The following ADAM22 variants were observed in gnomAD, a reference collection of about 807,000 sequenced individuals.
ADAM22 encodes ADAM metallopeptidase domain 22.
Under a neutral mutation model 144.6 loss-of-function variants are expected in ADAM22, and 65 were observed. The ratio of observed to expected loss-of-function variants is 0.45; its 90% CI spans 0.37 to 0.55. ADAM22 has a LOEUF of 0.55. ADAM22 is among the 20% of genes least tolerant of loss of function. The pLI is 0.00. For synonymous variants in ADAM22, 391 were observed against 412.6 expected (o/e 0.95, Z 0.63); for missense variants, 974 against 1,184.9 (o/e 0.82, Z 2.61).
intron 4 of ADAM22, 144 bp from the exon 5 acceptor site, chr7:88,108,032 G>T (rs1381901239): frequency 3.3e-6 from 2 of 606,548 alleles, no homozygotes; most frequent in East Asian, 2.9e-5. Context: ...TGTTAGAAAA[G>T]ATTTGATAAT....
intron 3 of ADAM22, among the ~76,000 whole-genome samples, chr7:88,065,041 G>A (rs1286802226): frequency 1.3e-5 from 2 of 152,160 alleles, no homozygotes; most frequent in African/African-American, 4.8e-5. Flanking sequence ...TAATTAAGAT[G>A]TTTAATACTT....
At position 87,978,301 on chromosome 7, in the gene ADAM22, G is replaced by A. The variant is rs779388171; in HGVS notation, c.247-35G>A. The A allele has an allele frequency of 7.8e-6, 12 of 1,540,952 alleles. No individual in the cohort carries two copies. In the South Asian group the frequency reaches 1.3e-4, roughly 16 times the overall value. ...CTAATTGTCTGATTAGTATGGCTGA[G>A]TAATAAATAACCTTTTTTCTTTTTG... On this transcript the variant is annotated intron_variant, in intron 2 of 31. Transcript: ENST00000413139.
intron 4 of ADAM22, among the ~76,000 whole-genome samples, chr7:88,080,431 G>A (rs977146206): frequency 1.3e-5 from 2 of 152,026 alleles, no homozygotes; most frequent in South Asian, 2.1e-4. Context: ...ATCACAATTG[G>A]AAGAACTAGA....
At chr7:87,974,489 G>T (rs531690773) in intron 2 of ADAM22, among the ~76,000 whole-genome samples, 1 of 152,152 alleles carries the variant, frequency 6.6e-6, no homozygotes, top group Non-Finnish European at 1.5e-5. Context: ...TGGGTGAGAA[G>T]TCCTGTGTTT....
intron 4 of ADAM22, among the ~76,000 whole-genome samples, chr7:88,089,607 T>C (rs979414399): frequency 6.6e-6 from 1 of 152,214 alleles, no homozygotes; most frequent in Non-Finnish European, 1.5e-5. Context: ...GCTTTCTGTC[T>C]TGAATTCTCA....
At chr7:88,099,140 C>CT (rs1822234526) in intron 4 of ADAM22, among the ~76,000 whole-genome samples, 1 of 152,166 alleles carries the variant, frequency 6.6e-6, no homozygotes, top group African/African-American at 2.4e-5. Context: ...GAGTCTTACT[C>CT]TTAACAGATC....
intron 3 of ADAM22, among the ~76,000 whole-genome samples, chr7:88,026,893 T>C (rs113981264): frequency 6.6e-6 from 1 of 152,222 alleles, no homozygotes; most frequent in African/African-American, 2.4e-5. Context: ...TGTTGTGGTT[T>C]GTTTCTTCTA....
chr7:88,178,700 A>G (rs1209831457), intron 26 of ADAM22, among the ~76,000 whole-genome samples: 1 of 152,126 alleles, frequency 6.6e-6, no homozygotes, highest in Non-Finnish European at 1.5e-5. Flanking sequence ...ATTTTTCCCC[A>G]AAGCAAGGCT....
At chr7:88,090,040 G>T (rs1016530535) in intron 4 of ADAM22, 1 of 152,166 alleles carries the variant, frequency 6.6e-6, no homozygotes, top group Non-Finnish European at 1.5e-5. Context: ...CATTTTGTCT[G>T]CTAGGGAACA....
intron 3 of ADAM22, among the ~76,000 whole-genome samples, chr7:88,028,475 C>T (rs987120669): frequency 1.3e-5 from 2 of 152,104 alleles, no homozygotes; most frequent in African/African-American, 4.8e-5. Context: ...ATGAAATGTT[C>T]TGTAAATATC....
chr7:87,934,996 A>T, intron 1 of ADAM22, 30 bp from the exon 2 acceptor site: 1 of 1,613,050 alleles, frequency 6.2e-7, no homozygotes, highest in Non-Finnish European at 8.5e-7. Context: ...TTTTCTCTCC[A>T]CTCCCTCCTT....
chr7:88,196,323 ATTCTATCCACTT>A lies in ADAM22; in HGVS notation c.2875-145_2875-134del, dbSNP rs1850660620. The A allele has an allele frequency of 1.3e-5, 11 of 879,016 alleles. No individual in the cohort carries two copies. In the South Asian group the frequency reaches 1.6e-4, roughly 13 times the overall value. The allele number at this position is 879,016 out of a possible 1,614,324, so 54.5% of individuals were successfully genotyped here. On this transcript the variant is annotated intron_variant, in intron 31 of 31. Coordinates refer to ENST00000413139, the MANE Select transcript of ADAM22 (RefSeq NM_001324418.2). ...CAGAGAGCTAAAAGTTGGAGTGTTT[ATTCTATCCACTT>A]TTTAGACTTTGCAAGAGTGTGCATC...
intron 3 of ADAM22, among the ~76,000 whole-genome samples, chr7:88,064,292 T>C (rs1285964829): frequency 6.6e-6 from 1 of 152,086 alleles, no homozygotes; most frequent in Non-Finnish European, 1.5e-5. Context: ...CAGGTTGAGG[T>C]TGGGTTTAGT....
At chr7:88,079,201 T>G (rs1454516984) in intron 4 of ADAM22, among the ~76,000 whole-genome samples, 1 of 152,000 alleles carries the variant, frequency 6.6e-6, no homozygotes, top group Admixed American at 6.6e-5. Context: ...TCAACATTCT[T>G]AAAAATAAGA....
intron 3 of ADAM22, among the ~76,000 whole-genome samples, chr7:87,982,068 TACACACAC>T (rs1175758724): frequency 1.1e-5 from 1 of 93,718 alleles, no homozygotes; most frequent in African/African-American, 4.6e-5. Context: ...TATATATATA[TACACACAC>T]ACACACACAC....
At chr7:87,978,948 T>G (rs1323835436) in intron 3 of ADAM22, among the ~76,000 whole-genome samples, 2 of 151,946 alleles carry the variant, frequency 1.3e-5, no homozygotes, top group Non-Finnish European at 2.9e-5. Flanking sequence ...AATTTTAGGT[T>G]TGGAAGGTGC....
chr7:88,196,613 C>A lies in ADAM22; in HGVS notation c.*122C>A. 9.2e-7 allele frequency: 1 copy of A among 1,089,242 alleles called. No individual in the cohort carries two copies. The highest frequency in any genetic ancestry group is 1.4e-6 in the Non-Finnish European group (1 of 720,868). 67.5% of individuals were successfully genotyped at this position (1,089,242 alleles called of 1,614,324 possible). A position where few individuals can be genotyped will look rare whatever the true frequency, so the allele number is the denominator to read the frequency against. On this transcript the variant is annotated 3_prime_UTR_variant, in exon 32 of 32. Transcript: ENST00000413139. ...GACAATACGAAGACCCTCTGAGATGCTACAGAGGAGAGGAAGCGGAGTTTC... is the reference window on the plus strand; with the variant it reads ...GACAATACGAAGACCCTCTGAGATGATACAGAGGAGAGGAAGCGGAGTTTC...
intron 4 of ADAM22, among the ~76,000 whole-genome samples, chr7:88,077,180 C>G (rs1244381141): frequency 1.3e-5 from 2 of 152,090 alleles, no homozygotes. Flanking sequence ...ACATTTATTA[C>G]ATAGTAAAGC....
intron 30 of ADAM22, among the ~76,000 whole-genome samples, chr7:88,190,351 A>G (rs532725743): frequency 1.3e-5 from 2 of 152,222 alleles, no homozygotes; most frequent in African/African-American, 4.8e-5. Context: ...CCTGGCCATC[A>G]TGGTGAGACC....
Sources: allele counts gnomAD v4.1 joint callset (sites outside exome capture counted in the v4.1 genomes callset), GRCh38; gene constraint gnomAD v4.1.1; transcripts MANE v1.5; gene names NCBI Gene and HGNC (gene_info 2026-07-23, HGNC 2026-07-21).